Variants in POU6F2 observed in about 807,000 individuals in gnomAD.
The protein encoded by POU6F2 is POU domain, class 6, transcription factor 2.
A neutral mutation model predicts 71.3 loss-of-function variants in POU6F2; 31 were observed. The observed-to-expected ratio is 0.43, with a 90% CI of 0.33 to 0.59. POU6F2 has a LOEUF of 0.59. Ranked by LOEUF, POU6F2 falls within the 20% of genes least tolerant of loss-of-function variation. The pLI is 0.04. For missense variants in POU6F2, 783 were observed against 856.8 expected (o/e 0.91, Z 1.07); for synonymous variants, 347 against 355.7 (o/e 0.98, Z 0.27).
chr7:39,219,973 A>G (rs1794316220), intron 4 of POU6F2, among the ~76,000 whole-genome samples: 1 of 152,198 alleles, frequency 6.6e-6, no homozygotes, highest in South Asian at 2.1e-4. Flanking sequence ...ATACTTCCAT[A>G]TATTTCAAAG....
chr7:39,245,307 C>T (rs958794804), intron 4 of POU6F2, among the ~76,000 whole-genome samples: 11 of 152,168 alleles, frequency 7.2e-5, no homozygotes, highest in African/African-American at 2.4e-4. Context: ...TTCATAAGTA[C>T]TGACTAGTTC....
chr7:39,148,858 G>C (rs2128733601), intron 2 of POU6F2, among the ~76,000 whole-genome samples: 1 of 152,328 alleles, frequency 6.6e-6, no homozygotes, highest in Middle Eastern at 3.4e-3. Context: ...GGCAGGAGTT[G>C]TGTAGTGATC....
At chr7:39,190,697 G>T (rs1317155085) in intron 2 of POU6F2, among the ~76,000 whole-genome samples, 4 of 134,366 alleles carry the variant, frequency 3.0e-5, no homozygotes, top group Non-Finnish European at 6.1e-5. Context: ...GAGTGTAATA[G>T]CATGATCTCG....
At chr7:39,419,068 T>C (rs1420040604) in intron 6 of POU6F2, among the ~76,000 whole-genome samples, 2 of 144,880 alleles carry the variant, frequency 1.4e-5, no homozygotes, top group Admixed American at 7.0e-5. Context: ...TATACACATA[T>C]ATACACACAT....
In POU6F2 at chr7:39,085,573, A is replaced by C. The variant is rs144320041; in HGVS notation, c.106-287A>C. Among the ~76,000 whole-genome samples the C allele has an allele frequency of 6.7e-3, 1,024 of 152,084 alleles. 15 individuals carry two copies. The highest frequency in any genetic ancestry group is 0.023 in the African/African-American group (945 of 41,468). On this transcript the variant is annotated intron_variant, in intron 1 of 9. Transcript: ENST00000518318. ...GCTGTGTTGGTTAGGTTGCTTTCAA[A>C]GAAGTTTTTTTTTTTTTTTTCCTCC...
intron 2 of POU6F2, among the ~76,000 whole-genome samples, chr7:39,160,117 A>G (rs901926271): frequency 6.6e-6 from 1 of 152,198 alleles, no homozygotes; most frequent in African/African-American, 2.4e-5. Context: ...CAGCGTCCCA[A>G]GTTGAGAGAG....
chr7:39,429,983 G>A (rs2073543), intron 6 of POU6F2, among the ~76,000 whole-genome samples: 44,544 of 151,962 alleles, frequency 0.29, 6,932 homozygotes, highest in East Asian at 0.52. Context: ...CAGCTCCCCC[G>A]GTTCCATTCT....
intron 4 of POU6F2, among the ~76,000 whole-genome samples, chr7:39,270,196 A>G (rs1465919216): frequency 1.3e-5 from 2 of 152,228 alleles, no homozygotes; most frequent in Non-Finnish European, 2.9e-5. Flanking sequence ...AAGGCTTGGT[A>G]TCCATACACG....
chr7:39,102,750 T>C (rs1791602210), intron 2 of POU6F2, among the ~76,000 whole-genome samples: 1 of 152,206 alleles, frequency 6.6e-6, no homozygotes, highest in African/African-American at 2.4e-5. Flanking sequence ...ATTTCATCAT[T>C]GTGTGAATGT....
At chr7:39,390,108 A>G (rs1787035147) in intron 5 of POU6F2, among the ~76,000 whole-genome samples, 2 of 152,212 alleles carry the variant, frequency 1.3e-5, no homozygotes, top group East Asian at 1.9e-4. Context: ...TGATATTTCA[A>G]TTAATAGCTG....
chr7:39,081,396 A>G (rs1791115295), intron 1 of POU6F2, among the ~76,000 whole-genome samples: 1 of 152,224 alleles, frequency 6.6e-6, no homozygotes, highest in Non-Finnish European at 1.5e-5. Context: ...AGTTAGATCG[A>G]CTTCTTTCCT....
intron 2 of POU6F2, among the ~76,000 whole-genome samples, chr7:39,119,357 A>G (rs1329742141): frequency 2.6e-5 from 4 of 152,260 alleles, no homozygotes; most frequent in African/African-American, 9.6e-5. Flanking sequence ...AAACTGTCAG[A>G]AATAATTAAA....
chr7:39,217,145 T>C (rs1794260709), intron 4 of POU6F2, among the ~76,000 whole-genome samples: 1 of 152,198 alleles, frequency 6.6e-6, no homozygotes, highest in Non-Finnish European at 1.5e-5. Flanking sequence ...GTCTGCTGTC[T>C]TGACCTTCTA....
intron 2 of POU6F2, among the ~76,000 whole-genome samples, chr7:39,143,375 A>G (rs867263478): frequency 4.6e-5 from 7 of 152,226 alleles, no homozygotes; most frequent in African/African-American, 1.7e-4. Flanking sequence ...AATGTTTACT[A>G]TGGTTTCCTG....
At chr7:39,020,727 A>G (rs1022669154) in intron 1 of POU6F2, among the ~76,000 whole-genome samples, 5 of 151,580 alleles carry the variant, frequency 3.3e-5, no homozygotes, top group Non-Finnish European at 7.4e-5. Flanking sequence ...GTTTCTGCCA[A>G]TTTCTCATCG....
At chr7:39,015,788 A>T (rs1259121508) in intron 1 of POU6F2, among the ~76,000 whole-genome samples, 5 of 95,698 alleles carry the variant, frequency 5.2e-5, no homozygotes, top group African/African-American at 2.2e-4. Flanking sequence ...TATATGGTAT[A>T]TTATATATAG....
rs542207542 is a variant in POU6F2 at position 39,260,202 on chromosome 7, C to A, written c.598+52582C>A. On this transcript the variant is annotated intron_variant, in intron 4 of 9. Transcript: ENST00000518318. ...CTGTGCTCACACCACACACACAATA[C>A]CACACACACCACACACTATACACAT... Among the ~76,000 whole-genome samples the A allele has an allele frequency of 2.0e-5, 3 of 148,816 alleles. No homozygotes were observed. In the East Asian group the frequency reaches 6.0e-4, roughly 30 times the overall value.
At chr7:39,361,561 A>T (rs1382737053) in intron 5 of POU6F2, among the ~76,000 whole-genome samples, 3 of 152,246 alleles carry the variant, frequency 2.0e-5, no homozygotes, top group Non-Finnish European at 2.9e-5. Context: ...ACAATATGAT[A>T]GCCTTCAGGC....
chr7:39,002,424 T>C (rs558435291), intron 1 of POU6F2, among the ~76,000 whole-genome samples: 1 of 152,362 alleles, frequency 6.6e-6, no homozygotes, highest in African/African-American at 2.4e-5. Flanking sequence ...CTCAGTTCAC[T>C]GCAATCTTTG....
Sources: gnomAD v4.1 joint callset for allele counts (sites outside exome capture counted in the v4.1 genomes callset) on GRCh38, gnomAD v4.1.1 for gene constraint, MANE v1.5 for transcripts, NCBI Gene and HGNC (gene_info 2026-07-23, HGNC 2026-07-21) for gene names.